PTPRD: variants seen among roughly 807,000 people sequenced by gnomAD.
The protein encoded by PTPRD is receptor-type tyrosine-protein phosphatase delta.
A neutral mutation model predicts 214.5 loss-of-function variants in PTPRD; 34 were observed. The ratio of observed to expected loss-of-function variants is 0.16; its 90% confidence interval spans 0.12 to 0.21. PTPRD has a LOEUF of 0.21. PTPRD is among the 10% of genes least tolerant of loss of function. The probability of loss-of-function intolerance (pLI) is 1.00; values close to 1 mark genes in which losing one functional copy is unlikely to be tolerated. For synonymous variants in PTPRD, 1,128 were observed against 845.7 expected, an observed-to-expected ratio of 1.33 and a Z score of -5.79; for missense variants, 2,545 against 2,398.7, an observed-to-expected ratio of 1.06 and a Z score of -1.27.
chr9:9,981,337 T>C (rs1422527156), intron 4 of PTPRD, among the ~76,000 whole-genome samples: 1 of 148,356 alleles, frequency 6.7e-6, no homozygotes, highest in Non-Finnish European at 1.5e-5. Context: ...ATTTAAAACA[T>C]ATACTCACAT....
At chr9:9,134,544 T>C (rs2099848006) in intron 10 of PTPRD, among the ~76,000 whole-genome samples, 1 of 152,170 alleles carries the variant, frequency 6.6e-6, no homozygotes, top group Non-Finnish European at 1.5e-5. Flanking sequence ...AGTTTTAAAT[T>C]GGTACCACAT....
At chr9:9,181,497 A>G (rs73403455) in intron 10 of PTPRD, among the ~76,000 whole-genome samples, 2,067 of 152,050 alleles carry the variant, frequency 0.014, 50 homozygotes, top group African/African-American at 0.048. Context: ...AACAATAATA[A>G]CATCTACAAA....
At chr9:10,092,408 C>T (rs2098441098) in intron 3 of PTPRD, among the ~76,000 whole-genome samples, 2 of 151,366 alleles carry the variant, frequency 1.3e-5, no homozygotes, top group South Asian at 2.1e-4. Context: ...AAACACTCCT[C>T]TAAAAGCATC....
intron 3 of PTPRD, among the ~76,000 whole-genome samples, chr9:10,309,237 A>T (rs1179655713): frequency 6.6e-6 from 1 of 151,908 alleles, no homozygotes; most frequent in Non-Finnish European, 1.5e-5. Flanking sequence ...TTTTCCACTT[A>T]CTTTCTTTCT....
At chr9:8,826,240 C>A (rs76068708) in intron 11 of PTPRD, among the ~76,000 whole-genome samples, 1 of 152,046 alleles carries the variant, frequency 6.6e-6, no homozygotes, top group African/African-American at 2.4e-5. Context: ...TCCTAAATGG[C>A]CTTCCTATTT....
chr9:9,306,583 A>G (rs1053338177), intron 9 of PTPRD, among the ~76,000 whole-genome samples: 1 of 151,846 alleles, frequency 6.6e-6, no homozygotes, highest in African/African-American at 2.4e-5. Context: ...AAAAAAAAAA[A>G]AAAAAATCCA....
At chr9:10,472,566 A>G (rs1295559925) in intron 2 of PTPRD, among the ~76,000 whole-genome samples, 4 of 152,204 alleles carry the variant, frequency 2.6e-5, no homozygotes, top group African/African-American at 7.2e-5. Flanking sequence ...ATCTATTCAC[A>G]AGGCTGAGCA....
chr9:9,572,153 T>C (rs1269037542), intron 8 of PTPRD, among the ~76,000 whole-genome samples: 1 of 151,396 alleles, frequency 6.6e-6, no homozygotes, highest in Non-Finnish European at 1.5e-5. Flanking sequence ...AAGAGTTGAA[T>C]ATAAAGTGCA....
At chr9:9,925,953 T>G (rs201220901) in intron 5 of PTPRD, among the ~76,000 whole-genome samples, 1 of 152,084 alleles carries the variant, frequency 6.6e-6, no homozygotes, top group African/African-American at 2.4e-5. Context: ...CTCAGCCTCC[T>G]AAGTAGCTGG....
chr9:10,514,232 G>A (rs2049231401), intron 2 of PTPRD, among the ~76,000 whole-genome samples: 1 of 151,840 alleles, frequency 6.6e-6, no homozygotes, highest in African/African-American at 2.4e-5. Context: ...TTTTGTACAA[G>A]TATAGATACT....
At chr9:9,687,811 A>G (rs547344956) in intron 7 of PTPRD, among the ~76,000 whole-genome samples, 10 of 151,808 alleles carry the variant, frequency 6.6e-5, no homozygotes, top group Non-Finnish European at 8.8e-5. Context: ...ATAATTATAT[A>G]CATGTATGCA....
At chr9:9,925,739 C>G (rs1233163557) in intron 5 of PTPRD, among the ~76,000 whole-genome samples, 1 of 150,536 alleles carries the variant, frequency 6.6e-6, no homozygotes. Context: ...CTTCTATGCA[C>G]CTTTTTTCCT....
chr9:10,554,148 A>G (rs1157580615), intron 2 of PTPRD, among the ~76,000 whole-genome samples: 1 of 152,196 alleles, frequency 6.6e-6, no homozygotes, highest in Non-Finnish European at 1.5e-5. Flanking sequence ...CTTTTAGTGT[A>G]TAACTCAACC....
In PTPRD at chr9:10,372,105, T is replaced by G. The variant is rs150844101; in HGVS notation, c.-599-31088A>C. Among the ~76,000 whole-genome samples, 581 of 152,034 alleles carry G rather than the reference T, an allele frequency of 3.8e-3. 4 individuals carry two copies. The highest frequency in any genetic ancestry group is 0.013 in the African/African-American group (545 of 41,512). ...ACAAAGTCAGAGCAAGTGCTGAAAA[T>G]AGAAAGAAAGAAGGAGAAAGAGAAT... On this transcript the variant is annotated intron_variant, in intron 2 of 45. Transcript: ENST00000381196.
chr9:9,156,437 A>T (rs1184798091), intron 10 of PTPRD, among the ~76,000 whole-genome samples: 4 of 151,270 alleles, frequency 2.6e-5, no homozygotes, highest in Non-Finnish European at 5.9e-5. Flanking sequence ...ATAAATATAT[A>T]AAAAGTATTT....
At chr9:9,746,052 C>G (rs190087228) in intron 6 of PTPRD, among the ~76,000 whole-genome samples, 5 of 151,998 alleles carry the variant, frequency 3.3e-5, no homozygotes, top group Admixed American at 1.3e-4. Flanking sequence ...GTATGAGAAA[C>G]CAAGTTTCCT....
intron 9 of PTPRD, among the ~76,000 whole-genome samples, chr9:9,250,471 C>G (rs1347149945): frequency 6.6e-6 from 1 of 152,056 alleles, no homozygotes; most frequent in Non-Finnish European, 1.5e-5. Flanking sequence ...AACCCTCTGC[C>G]ATTAATCATG....
chr9:9,789,124 T>C (rs1012013803), intron 5 of PTPRD, among the ~76,000 whole-genome samples: 5 of 152,234 alleles, frequency 3.3e-5, no homozygotes, highest in Admixed American at 1.3e-4. Context: ...ATACATAGTA[T>C]TTATTGTAGT....
intron 5 of PTPRD, among the ~76,000 whole-genome samples, chr9:9,920,248 C>T (rs1429384973): frequency 6.6e-6 from 1 of 152,054 alleles, no homozygotes; most frequent in Non-Finnish European, 1.5e-5. Flanking sequence ...TTTTTGTGGT[C>T]TGGATAATTT....
Sources: allele counts gnomAD v4.1 joint callset (sites outside exome capture counted in the v4.1 genomes callset), GRCh38; gene constraint gnomAD v4.1.1; transcripts MANE v1.5; gene names NCBI Gene and HGNC (gene_info 2026-07-23, HGNC 2026-07-21).